The following SPRING1 variants were observed in gnomAD, a reference collection of about 807,000 sequenced individuals.
SPRING1 encodes the protein SREBF pathway regulator in golgi 1.
SPRING1 carries 14 observed loss-of-function variants against 24.7 expected under a neutral mutation model. That is an observed-to-expected ratio of 0.57 (90% CI 0.37 to 0.88). The LOEUF is 0.88. Ranked by LOEUF, SPRING1 falls within the 40% of genes least tolerant of loss-of-function variation. SPRING1 has a pLI of 0.00. For missense variants in SPRING1, 255 were observed against 268.4 expected, an observed-to-expected ratio of 0.95 and a Z score of 0.35; for synonymous variants, 93 against 106.1, an observed-to-expected ratio of 0.88 and a Z score of 0.76.
At chr12:116,725,852 C>T (rs970253184) in intron 1 of SPRING1, among the ~76,000 whole-genome samples, 1 of 151,566 alleles carries the variant, frequency 6.6e-6, no homozygotes, top group Non-Finnish European at 1.5e-5. Context: ...CGCCACTGCA[C>T]TCCAGCCTGG....
Position 116,717,633 on chromosome 12 carries a change from G to A in SPRING1, c.*177C>T. On this transcript the variant is annotated 3_prime_UTR_variant, in exon 5 of 5. Coordinates refer to ENST00000261318, the MANE Select transcript of SPRING1 (RefSeq NM_024738.4). This position sits in a 1 kb window ranked among gnomAD's most constrained non-coding sequence, Gnocchi z 4.2. Reference sequence around the variant, plus strand: ...TTTACAGAAGAGTTCCATCTGGTAAGCCCGGGTGGTGAGCGAAGCCAAAGA... The same window carrying A: ...TTTACAGAAGAGTTCCATCTGGTAAACCCGGGTGGTGAGCGAAGCCAAAGA... 1.8e-6 allele frequency: 1 copy of A among 561,138 alleles called. No homozygotes were observed. The highest frequency in any genetic ancestry group is 3.1e-6 in the Non-Finnish European group (1 of 319,132). 34.8% of individuals were successfully genotyped at this position (561,138 alleles called of 1,614,324 possible).
Position 116,728,583 on chromosome 12 carries a change from A to T in SPRING1, c.112-5360T>A, listed in dbSNP as rs576852420. Among the ~76,000 whole-genome samples, 3 of 152,380 alleles carry T rather than the reference A, an allele frequency of 2.0e-5. No individual in the cohort carries two copies. The South Asian group carries it at 6.2e-4, about 32-fold the overall frequency. On this transcript the variant is annotated intron_variant, in intron 1 of 4. Coordinates refer to ENST00000261318, the MANE Select transcript of SPRING1 (RefSeq NM_024738.4). This position sits in a 1 kb window ranked among gnomAD's most constrained non-coding sequence, Gnocchi z 4.2. ...AGGAATTCAAAGCAGCAGAGAGGAT[A>T]ATCAACTATTCTCCAGGCAAAAGCT... is the stretch of plus-strand genomic sequence containing the variant.
chr12:116,737,783 C>T lies in SPRING1; in HGVS notation c.111+7G>A. The T allele has an allele frequency of 6.3e-7, 1 of 1,578,190 alleles. No individual in the cohort carries two copies. The highest frequency in any genetic ancestry group is 8.6e-7 in the Non-Finnish European group (1 of 1,161,368). On this transcript the variant is annotated splice_region_variant and intron_variant, in intron 1 of 4. Transcript: ENST00000261318. ...GGAAGGGGAGGAGGGGAAGGGCGGC[C>T]ACTGACCTGCTTGAAGGTGCTGCTG...
intron 1 of SPRING1, among the ~76,000 whole-genome samples, chr12:116,735,849 T>C (rs1251954508): frequency 2.0e-5 from 3 of 151,436 alleles, no homozygotes; most frequent in Non-Finnish European, 4.4e-5. Flanking sequence ...AGACCAGCCA[T>C]GACCAACATG....
Position 116,737,826 on chromosome 12 carries a change from C to G in SPRING1, c.75G>C (p.Leu25=). Residue 25 remains leucine (L), a synonymous_variant, in exon 1 of 5, where the codon CTG becomes CTC. Transcript: ENST00000261318. ...KRWVLALVFG[L]SLVYFLSSTF... ...TGCTGCTGAGGAAGTAGACGAGCGA[C>G]AGCCCGAAGACCAGGGCGAGCACCC... is the stretch of plus-strand genomic sequence containing the variant. 6.3e-7 allele frequency: 1 copy of G among 1,596,160 alleles called. No homozygotes were observed. The highest frequency in any genetic ancestry group is 8.5e-7 in the Non-Finnish European group (1 of 1,171,382).
intron 1 of SPRING1, among the ~76,000 whole-genome samples, chr12:116,736,377 C>T (rs547489194): frequency 3.9e-5 from 6 of 152,298 alleles, no homozygotes; most frequent in African/African-American, 1.2e-4. Flanking sequence ...TGGCAGAAAA[C>T]ACAAGTCACA....
chr12:116,736,242 A>G (rs1871214496), intron 1 of SPRING1, among the ~76,000 whole-genome samples: 1 of 152,166 alleles, frequency 6.6e-6, no homozygotes. Flanking sequence ...TATTTAAACA[A>G]TGGCCCAGAG....
intron 1 of SPRING1, among the ~76,000 whole-genome samples, chr12:116,737,288 G>A (rs1871274947): frequency 6.6e-6 from 1 of 152,134 alleles, no homozygotes; most frequent in South Asian, 2.1e-4. Context: ...CAGAAGTCGG[G>A]AGGTCGGACA....
intron 1 of SPRING1, among the ~76,000 whole-genome samples, chr12:116,737,515 G>A (rs1285998449): frequency 8.7e-6 from 1 of 114,618 alleles, no homozygotes; most frequent in African/African-American, 3.3e-5. Context: ...GGAAGGAAAG[G>A]GGGAGGAAGG....
chr12:116,737,144 C>T (rs915352967), intron 1 of SPRING1, among the ~76,000 whole-genome samples: 4 of 152,198 alleles, frequency 2.6e-5, no homozygotes, highest in African/African-American at 9.6e-5. Context: ...GGGTTCTAGT[C>T]CCAGCTCTGC....
chr12:116,733,618 CT>C (rs1396517402), intron 1 of SPRING1, among the ~76,000 whole-genome samples: 1 of 151,998 alleles, frequency 6.6e-6, no homozygotes, highest in Non-Finnish European at 1.5e-5. Context: ...GTGTTTTCAG[CT>C]AAGTGTTAAA....
At position 116,720,302 on chromosome 12, in the gene SPRING1, G is replaced by A; in HGVS notation, c.414C>T (p.Pro138=). The A allele has an allele frequency of 2.5e-6, 4 of 1,609,456 alleles. No individual in the cohort carries two copies. In the South Asian group the frequency reaches 4.4e-5, roughly 18 times the overall value. ...CAGGATCAACTCCCCATACCTTGTT[G>A]GGCTGCAGGCAGCAGGAGACACAGT... ...YEYCVSCCLQ[P]NKQLLLERFL... The change falls in exon 3 of 5, where the codon CCC becomes CCT. Residue 138 remains proline (P), a synonymous_variant. Transcript: ENST00000261318. The surrounding 1 kb of genome is among the most constrained non-coding windows in gnomAD (Gnocchi z 4.0).
rs1870016189 is a variant in SPRING1 at position 116,714,421 on chromosome 12, G to A, written c.*3389C>T. Reference sequence around the variant, plus strand: ...TCTCCAGGAGGCCCCAGTTGGGCTTGGGGACATGCTGAGAGGTGACAGCAC... The same window carrying A: ...TCTCCAGGAGGCCCCAGTTGGGCTTAGGGACATGCTGAGAGGTGACAGCAC... On this transcript the variant is annotated 3_prime_UTR_variant, in exon 5 of 5. Transcript: ENST00000261318. 6.6e-6 allele frequency: 1 copy of A among 152,226 alleles called. No individual in the cohort carries two copies. Among genetic ancestry groups the A allele is most frequent in the Non-Finnish European group, 1.5e-5 (1 of 68,042 alleles). The allele number at this position is 152,226 out of a possible 1,614,324, so 9.4% of individuals were successfully genotyped here.
At chr12:116,731,224 A>G (rs1870960317) in intron 1 of SPRING1, among the ~76,000 whole-genome samples, 1 of 152,250 alleles carries the variant, frequency 6.6e-6, no homozygotes. Flanking sequence ...AGAATACGAC[A>G]ACTAGTAGCA....
chr12:116,721,273 C>T (rs1032542849), intron 2 of SPRING1, among the ~76,000 whole-genome samples: 1 of 152,214 alleles, frequency 6.6e-6, no homozygotes, highest in Admixed American at 6.5e-5. Flanking sequence ...ACAAGGGCCA[C>T]CACTGGCCCC....
At chr12:116,727,432 G>C (rs1283222761) in intron 1 of SPRING1, among the ~76,000 whole-genome samples, 5 of 152,168 alleles carry the variant, frequency 3.3e-5, no homozygotes, top group African/African-American at 1.2e-4. Context: ...CTAATGCGTT[G>C]CTTTGTGTCT....
At chr12:116,730,946 A>G (rs1870945144) in intron 1 of SPRING1, among the ~76,000 whole-genome samples, 1 of 152,268 alleles carries the variant, frequency 6.6e-6, no homozygotes, top group Non-Finnish European at 1.5e-5. Context: ...AAATCTGAAT[A>G]ACTAGTGTAT....
rs1161443942 is a variant in SPRING1 at position 116,713,963 on chromosome 12, AG to A, written c.*3846del. 1.3e-5 allele frequency: 2 copies of A among 152,180 alleles called. No individual in the cohort carries two copies. The highest frequency in any genetic ancestry group is 2.4e-5 in the African/African-American group (1 of 41,454). 9.4% of individuals were successfully genotyped at this position (152,180 alleles called of 1,614,324 possible). On this transcript the variant is annotated 3_prime_UTR_variant, in exon 5 of 5. Transcript: ENST00000261318. ...AAAAACAGTAACAACAATAGTAACA[AG>A]AGCTCTGTAATTCCTACCCTTCCAA...
Position 116,717,521 on chromosome 12 carries a change from G to GC in SPRING1, c.*288_*289insG. 1 of 317,396 alleles carries GC rather than the reference G, an allele frequency of 3.2e-6. No individual in the cohort carries two copies. Among genetic ancestry groups the GC allele is most frequent in the East Asian group, 6.3e-5 (1 of 15,780 alleles). 19.7% of individuals were successfully genotyped at this position (317,396 alleles called of 1,614,324 possible). A position where few individuals can be genotyped will look rare whatever the true frequency, so the allele number is the denominator to read the frequency against. On this transcript the variant is annotated 3_prime_UTR_variant, in exon 5 of 5. Coordinates refer to ENST00000261318, the MANE Select transcript of SPRING1 (RefSeq NM_024738.4). The surrounding 1 kb of genome is among the most constrained non-coding windows in gnomAD (Gnocchi z 4.2). ...AGGTCCCTGTGCAGGTCCCAGGGCT[G>GC]AGTCATCCAAGAACTCCACCACCAC...
Sources: allele counts gnomAD v4.1 joint callset (sites outside exome capture counted in the v4.1 genomes callset), GRCh38; gene constraint gnomAD v4.1.1; non-coding constraint Gnocchi (gnomAD v3.1); transcripts MANE v1.5; gene names NCBI Gene and HGNC (gene_info 2026-07-23, HGNC 2026-07-21).